ZBTB24: variants seen among roughly 807,000 people sequenced by gnomAD.
ZBTB24 encodes zinc finger and BTB domain-containing protein 24.
ZBTB24 carries 32 observed loss-of-function variants against 53.8 expected under a neutral mutation model. The observed-to-expected ratio is 0.60, with a 90% CI of 0.45 to 0.80. ZBTB24 has a LOEUF of 0.80. Ranked by LOEUF, ZBTB24 falls within the 30% of genes least tolerant of loss-of-function variation. ZBTB24 has a pLI of 0.00. For missense variants in ZBTB24, 722 were observed against 837.1 expected (o/e 0.86, Z 1.70); for synonymous variants, 297 against 306.7 (o/e 0.97, Z 0.33).
chr6:109,473,968 A>G (rs1776223483), intron 5 of ZBTB24, among the ~76,000 whole-genome samples: 2 of 151,592 alleles, frequency 1.3e-5, no homozygotes, highest in South Asian at 4.2e-4. Context: ...GCGCACCTGT[A>G]GTTCCAGCTA....
chr6:109,475,377 G>T, intron 5 of ZBTB24, 22 bp downstream of exon 5: 1 of 1,613,690 alleles, frequency 6.2e-7, no homozygotes, highest in African/African-American at 1.3e-5. Context: ...GTACTGGGGG[G>T]ACAGACGAGA....
intron 2 of ZBTB24, among the ~76,000 whole-genome samples, chr6:109,478,896 G>A (rs1388285397): frequency 6.6e-6 from 1 of 151,636 alleles, no homozygotes. Flanking sequence ...GCTCATAGAG[G>A]TAAGATAATA....
intron 2 of ZBTB24, among the ~76,000 whole-genome samples, chr6:109,479,915 C>CA (rs200514874): frequency 0.016 from 662 of 41,756 alleles, 35 homozygotes; most frequent in East Asian, 0.026. Flanking sequence ...GAATCCATCT[C>CA]AAAAAAAAAA....
chr6:109,479,748 C>CT (rs1316039865), intron 2 of ZBTB24, among the ~76,000 whole-genome samples: 1 of 151,970 alleles, frequency 6.6e-6, no homozygotes, highest in Non-Finnish European at 1.5e-5. Flanking sequence ...AACCCCGTCT[C>CT]TACTAAAAAT....
intron 5 of ZBTB24, among the ~76,000 whole-genome samples, chr6:109,474,419 A>C (rs1337015521): frequency 6.6e-6 from 1 of 152,072 alleles, no homozygotes; most frequent in Non-Finnish European, 1.5e-5. Flanking sequence ...TGTCTGTTAC[A>C]TTTGGCTGTC....
chr6:109,465,758 A>G lies in ZBTB24; in HGVS notation c.*93T>C, dbSNP rs2115352685. On this transcript the variant is annotated 3_prime_UTR_variant, in exon 7 of 7. Coordinates refer to ENST00000230122, the MANE Select transcript of ZBTB24 (RefSeq NM_014797.3). The stretch of plus-strand genomic sequence containing the variant: ...GCTCTCACAGAAGCATCTGCAAGTC[A>G]ATGGTGTGGAGAGCCTGATTTCAAG... The G allele has an allele frequency of 1.2e-6, 2 of 1,613,044 alleles. No individual in the cohort carries two copies. Among genetic ancestry groups the G allele is most frequent in the Non-Finnish European group, 1.7e-6 (2 of 1,179,838 alleles).
At position 109,475,543 on chromosome 6, in the gene ZBTB24, G is replaced by T; in HGVS notation, c.1205-61C>A. 5 of 1,583,606 alleles carry T rather than the reference G, an allele frequency of 3.2e-6. No homozygotes were observed. In the South Asian group the frequency reaches 5.5e-5, roughly 18 times the overall value. On this transcript the variant is annotated intron_variant, in intron 4 of 6. Transcript: ENST00000230122. ...ATGCTCTCCCTGCCTTTTCTTCAGT[G>T]ATTTGTGTTAAAGCACTTCCCTGAA...
chr6:109,479,915 CAAAAA>C (rs200514874), intron 2 of ZBTB24, among the ~76,000 whole-genome samples: 2 of 41,826 alleles, frequency 4.8e-5, no homozygotes, highest in Non-Finnish European at 9.1e-5. Context: ...GAATCCATCT[CAAAAA>C]AAAAAAAAAA....
chr6:109,471,986 G>C (rs1220612163), intron 5 of ZBTB24, among the ~76,000 whole-genome samples: 2 of 152,128 alleles, frequency 1.3e-5, no homozygotes, highest in Non-Finnish European at 2.9e-5. Context: ...TCCTAGGAAA[G>C]GGAACATCTC....
Position 109,464,880 on chromosome 6 carries a change from C to T in ZBTB24, c.*971G>A, listed in dbSNP as rs887994270. On this transcript the variant is annotated 3_prime_UTR_variant, in exon 7 of 7. Transcript: ENST00000230122. ...GTCTGCAATAAAAATGAATTATAAG[C>T]TTCCATCTCCAGAAAGTTATCAGAC... 2.0e-5 allele frequency: 3 copies of T among 152,148 alleles called. No homozygotes were observed. Among genetic ancestry groups the T allele is most frequent in the African/African-American group, 7.2e-5 (3 of 41,424 alleles). 9.4% of individuals were successfully genotyped at this position (152,148 alleles called of 1,614,324 possible).
chr6:109,465,881 C>T lies in ZBTB24; in HGVS notation c.2064G>A (p.Gln688=), dbSNP rs1562298805. 6.2e-7 allele frequency: 1 copy of T among 1,614,164 alleles called. No individual in the cohort carries two copies. The highest frequency in any genetic ancestry group is 1.3e-5 in the African/African-American group (1 of 75,054). ...TCTGCTCCTGGCCAAGTGGCGTTGG[C>T]TGGGGCACGTGGTGAGTGGGTGGTG... ...GPPPPTHHVP[Q]PTPLGQEQS is the part of the protein sequence containing the mutation. Residue 688 remains glutamine, a synonymous_variant, in exon 7 of 7, where the codon CAG becomes CAA. Coordinates refer to ENST00000230122, the MANE Select transcript of ZBTB24 (RefSeq NM_014797.3).
chr6:109,473,209 C>T (rs9487122), intron 5 of ZBTB24, among the ~76,000 whole-genome samples: 2,745 of 152,254 alleles, frequency 0.018, 92 homozygotes, highest in African/African-American at 0.063. Context: ...ATCTTGGCAG[C>T]TGGGACAAGG....
At chr6:109,480,697 A>G (rs1776386162) in intron 2 of ZBTB24, among the ~76,000 whole-genome samples, 1 of 152,220 alleles carries the variant, frequency 6.6e-6, no homozygotes. Context: ...TGATAAGTGG[A>G]CATTAAAGGA....
In ZBTB24 at chr6:109,468,818, C is replaced by G. The variant is rs141775603; in HGVS notation, c.1289-1084G>C. Among the ~76,000 whole-genome samples the G allele has an allele frequency of 1.8e-3, 275 of 151,502 alleles. 4 individuals are homozygous for G. The highest frequency in any genetic ancestry group is 6.8e-3 in the Middle Eastern group (2 of 292). ...ACCCACCAGGCTTCACTAACATCAG[C>G]AAGTGCTTATTCAGTGTGTTTGCAT... On this transcript the variant is annotated intron_variant, in intron 5 of 6. Coordinates refer to ENST00000230122, the MANE Select transcript of ZBTB24 (RefSeq NM_014797.3).
rs1014290881 is a variant in ZBTB24, at chr6:109,465,774, T to C, written c.*77A>G. The C allele has an allele frequency of 7.8e-5, 126 of 1,613,618 alleles. No homozygotes were observed. Among genetic ancestry groups the C allele is most frequent in the Non-Finnish European group, 9.7e-5 (114 of 1,179,992 alleles). ...CTGCAAGTCAATGGTGTGGAGAGCC[T>C]GATTTCAAGCGTTCAAAATCCAGTC... On this transcript the variant is annotated 3_prime_UTR_variant, in exon 7 of 7. Coordinates refer to ENST00000230122, the MANE Select transcript of ZBTB24 (RefSeq NM_014797.3).
At position 109,465,550 on chromosome 6, in the gene ZBTB24, C is replaced by G; in HGVS notation, c.*301G>C. ...TATGGCTGTGAACATTTAAACCTTA[C>G]AGAAAAACTGAGATCAATGCCCCCA... is the stretch of plus-strand genomic sequence containing the variant. On this transcript the variant is annotated 3_prime_UTR_variant, in exon 7 of 7. Coordinates refer to ENST00000230122, the MANE Select transcript of ZBTB24 (RefSeq NM_014797.3). The G allele has an allele frequency of 8.6e-7, 1 of 1,161,716 alleles. No individual in the cohort carries two copies. Among genetic ancestry groups the G allele is most frequent in the Non-Finnish European group, 1.2e-6 (1 of 828,710 alleles). 72.0% of individuals were successfully genotyped at this position (1,161,716 alleles called of 1,614,324 possible).
intron 6 of ZBTB24, among the ~76,000 whole-genome samples, chr6:109,467,378 A>T (rs568105390): frequency 6.6e-6 from 1 of 152,236 alleles, no homozygotes; most frequent in East Asian, 1.9e-4. Flanking sequence ...TACAAAAACT[A>T]GCTGGGTGTG....
chr6:109,465,308 T>C lies in ZBTB24; in HGVS notation c.*543A>G. On this transcript the variant is annotated 3_prime_UTR_variant, in exon 7 of 7. Transcript: ENST00000230122. Reference sequence around the variant, plus strand: ...CTGCATAAAGATAAAACGTTGAGGGTTACTTTGTCTTAGGGGACTGGAAAT... The same window carrying C: ...CTGCATAAAGATAAAACGTTGAGGGCTACTTTGTCTTAGGGGACTGGAAAT... 1 of 270,166 alleles carries C rather than the reference T, an allele frequency of 3.7e-6. No individual in the cohort carries two copies. Among genetic ancestry groups the C allele is most frequent in the Non-Finnish European group, 7.0e-6 (1 of 141,940 alleles). 16.7% of individuals were successfully genotyped at this position (270,166 alleles called of 1,614,324 possible). A position where few individuals can be genotyped will look rare whatever the true frequency, so the allele number is the denominator to read the frequency against.
rs772060077 is a variant in ZBTB24 at position 109,476,186 on chromosome 6, C to T, written c.1193G>A (p.Arg398Gln). ...SQNRQLKSHYRVHTGHSLPEC... is the reference protein window; with the variant it reads ...SQNRQLKSHYQVHTGHSLPEC... Reference sequence around the variant, plus strand: ...TCACTTTATCGTACCTGTATGAACTCGGTAATGGCTCTTTAGCTGTCTGTT... The same window carrying T: ...TCACTTTATCGTACCTGTATGAACTTGGTAATGGCTCTTTAGCTGTCTGTT... Residue 398 changes from arginine to glutamine, a missense_variant, in exon 4 of 7, where the codon CGA becomes CAA. Arg to Gln is a conservative substitution (Grantham distance 43). Coordinates refer to ENST00000230122, the MANE Select transcript of ZBTB24 (RefSeq NM_014797.3). 3.1e-6 allele frequency: 5 copies of T among 1,614,088 alleles called. No individual in the cohort carries two copies. The highest frequency in any genetic ancestry group is 1.7e-6 in the Non-Finnish European group (2 of 1,179,994).
Sources: allele counts gnomAD v4.1 joint callset (sites outside exome capture counted in the v4.1 genomes callset), GRCh38; gene constraint gnomAD v4.1.1; transcripts MANE v1.5; gene names NCBI Gene and HGNC (gene_info 2026-07-23, HGNC 2026-07-21).